Variants in FOXP1 observed in about 807,000 individuals in gnomAD.
FOXP1 encodes the protein forkhead box P1.
FOXP1 carries 15 observed loss-of-function variants against 98.2 expected under a neutral mutation model. The ratio of observed to expected loss-of-function variants is 0.15; its 90% confidence interval spans 0.10 to 0.24. The LOEUF is 0.24. FOXP1 is among the 10% of genes least tolerant of loss of function. The probability of loss-of-function intolerance (pLI) is 1.00; values close to 1 mark genes in which losing one functional copy is unlikely to be tolerated. For missense variants in FOXP1, 633 were observed against 848.5 expected (o/e 0.75, Z 3.15); for synonymous variants, 371 against 314.5 (o/e 1.18, Z -1.90).
intron 4 of FOXP1, among the ~76,000 whole-genome samples, chr3:71,355,419 C>G (rs560635118): frequency 3.7e-4 from 56 of 152,250 alleles, no homozygotes; most frequent in African/African-American, 1.3e-3. Flanking sequence ...AATAAAGGGG[C>G]TGTCCCCTTT....
At chr3:70,967,701 T>TA (rs1559586069) in intron 19 of FOXP1, among the ~76,000 whole-genome samples, 3 of 86,490 alleles carry the variant, frequency 3.5e-5, no homozygotes, top group African/African-American at 2.2e-4. Flanking sequence ...TTTTTTTTTG[T>TA]TTTTTTTTGT....
chr3:71,008,822 T>C (rs947812197), intron 12 of FOXP1, among the ~76,000 whole-genome samples: 2 of 152,040 alleles, frequency 1.3e-5, no homozygotes, highest in Non-Finnish European at 2.9e-5. Context: ...ATCTCTGGTT[T>C]TGATTTACCA....
At chr3:70,979,200 T>TGAGTC (rs1331795849) in intron 14 of FOXP1, among the ~76,000 whole-genome samples, 1 of 139,980 alleles carries the variant, frequency 7.1e-6, no homozygotes, top group African/African-American at 2.8e-5. Flanking sequence ...GAAGATAGCT[T>TGAGTC]GAGTCTGGGA....
At chr3:71,273,076 A>G (rs9647400) in intron 5 of FOXP1, among the ~76,000 whole-genome samples, 18,341 of 152,110 alleles carry the variant, frequency 0.12, 1,563 homozygotes, top group East Asian at 0.47. Flanking sequence ...TCTGCTGTTC[A>G]ATCCCCTCTC....
chr3:71,006,870 T>C lies in FOXP1; in HGVS notation c.975-5811A>G, dbSNP rs139091975. On this transcript the variant is annotated intron_variant, in intron 12 of 20. Transcript: ENST00000649528. ...AAGAAAAATTTAAATTTAATTTGCATTTCTAACTAAAATCTGTTTGTTGAA... is the reference window on the plus strand; with the variant it reads ...AAGAAAAATTTAAATTTAATTTGCACTTCTAACTAAAATCTGTTTGTTGAA... Among the ~76,000 whole-genome samples the C allele has an allele frequency of 5.1e-3, 780 of 152,344 alleles. 5 individuals carry two copies. The highest frequency in any genetic ancestry group is 0.04 in the South Asian group (194 of 4,832).
At chr3:71,087,540 G>A (rs2055268903) in intron 7 of FOXP1, among the ~76,000 whole-genome samples, 1 of 152,196 alleles carries the variant, frequency 6.6e-6, no homozygotes, top group Non-Finnish European at 1.5e-5. Flanking sequence ...GTTGAGAGAT[G>A]CCAGCTGGTA....
intron 20 of FOXP1, among the ~76,000 whole-genome samples, chr3:70,961,188 T>C (rs1018368554): frequency 6.6e-6 from 1 of 151,994 alleles, no homozygotes; most frequent in African/African-American, 2.4e-5. Flanking sequence ...TGTAGCAAAG[T>C]TGCATTACAT....
chr3:71,191,280 A>C (rs2062964083), intron 6 of FOXP1, among the ~76,000 whole-genome samples: 1 of 152,240 alleles, frequency 6.6e-6, no homozygotes, highest in South Asian at 2.1e-4. Flanking sequence ...TAATCTGTCA[A>C]CAAATTACCA....
intron 3 of FOXP1, among the ~76,000 whole-genome samples, chr3:71,445,130 G>A (rs1414255322): frequency 6.6e-6 from 1 of 152,090 alleles, no homozygotes; most frequent in African/African-American, 2.4e-5. Flanking sequence ...GTTCTCCATG[G>A]TACCTGTGAG....
intron 6 of FOXP1, among the ~76,000 whole-genome samples, chr3:71,171,658 T>C (rs1356641389): frequency 6.6e-6 from 1 of 152,260 alleles, no homozygotes. Flanking sequence ...TTACCTCCTC[T>C]GTCCTTCATA....
intron 3 of FOXP1, among the ~76,000 whole-genome samples, chr3:71,406,153 T>C (rs2108243257): frequency 6.6e-6 from 1 of 152,214 alleles, no homozygotes; most frequent in East Asian, 1.9e-4. Context: ...CATTTTGCTG[T>C]GTAACAAATT....
intron 6 of FOXP1, among the ~76,000 whole-genome samples, chr3:71,157,147 G>A (rs2060865188): frequency 6.6e-6 from 1 of 152,292 alleles, no homozygotes; most frequent in Non-Finnish European, 1.5e-5. Flanking sequence ...TAACCTTGGC[G>A]GCAAACCACC....
At chr3:71,558,172 C>T (rs2046275186) in intron 2 of FOXP1, among the ~76,000 whole-genome samples, 2 of 152,192 alleles carry the variant, frequency 1.3e-5, no homozygotes, top group South Asian at 2.1e-4. Context: ...CTGATGTTGG[C>T]CTCTCATCAT....
intron 6 of FOXP1, among the ~76,000 whole-genome samples, chr3:71,183,794 G>A (rs2062476119): frequency 6.6e-6 from 1 of 152,036 alleles, no homozygotes; most frequent in African/African-American, 2.4e-5. Flanking sequence ...TGCAAATTTG[G>A]AGGCCCTGCC....
chr3:71,416,547 AACACAC>A (rs55710900), intron 3 of FOXP1, among the ~76,000 whole-genome samples: 2,295 of 136,806 alleles, frequency 0.017, 58 homozygotes, highest in African/African-American at 0.051. Context: ...TCTGTCTCAA[AACACAC>A]ACACACACAC....
intron 7 of FOXP1, among the ~76,000 whole-genome samples, chr3:71,106,016 G>A (rs1454401659): frequency 1.3e-5 from 2 of 152,076 alleles, no homozygotes; most frequent in Non-Finnish European, 2.9e-5. Context: ...ACCTCTTGAC[G>A]GCACACTGGT....
At chr3:71,340,276 T>C (rs2076934890) in intron 4 of FOXP1, among the ~76,000 whole-genome samples, 1 of 152,226 alleles carries the variant, frequency 6.6e-6, no homozygotes, top group Non-Finnish European at 1.5e-5. Flanking sequence ...AAACTATATA[T>C]GTATTTGTGC....
rs1459784762 is a variant in FOXP1 at position 71,193,451 on chromosome 3, A to G, written c.180+4751T>C. Among the ~76,000 whole-genome samples, 13 of 83,118 alleles carry G rather than the reference A, an allele frequency of 1.6e-4. 1 individual carries two copies. Among genetic ancestry groups the G allele is most frequent in the African/African-American group, 2.6e-4 (4 of 15,182 alleles). 54.5% of individuals were successfully genotyped at this position (83,118 alleles called of 152,430 possible). A position where few individuals can be genotyped will look rare whatever the true frequency, so the allele number is the denominator to read the frequency against. ...GCGTGAGCCACTGCGCCCAGCCGTT[A>G]TTTGTTTTTTTTTTTTAGACATATT... On this transcript the variant is annotated intron_variant, in intron 6 of 20. Coordinates refer to ENST00000649528, the MANE Select transcript of FOXP1 (RefSeq NM_001349338.3).
intron 13 of FOXP1, among the ~76,000 whole-genome samples, chr3:70,991,812 G>T (rs1187643983): frequency 6.6e-6 from 1 of 152,142 alleles, no homozygotes; most frequent in African/African-American, 2.4e-5. Context: ...CAGGGAACTG[G>T]GAAGGGGCAG....
Sources: allele counts gnomAD v4.1 joint callset (sites outside exome capture counted in the v4.1 genomes callset), GRCh38; gene constraint gnomAD v4.1.1; transcripts MANE v1.5; gene names NCBI Gene and HGNC (gene_info 2026-07-23, HGNC 2026-07-21).